KIAA1328: variants seen among roughly 807,000 people sequenced by gnomAD.
KIAA1328 encodes protein hinderin.
Under a neutral mutation model 68.1 loss-of-function variants are expected in KIAA1328, and 52 were observed. That is an observed-to-expected ratio of 0.76 (90% CI 0.61 to 0.96). KIAA1328 has a LOEUF of 0.96. KIAA1328 is among the 40% of genes least tolerant of loss of function. The pLI is 0.00. For missense variants in KIAA1328, 641 were observed against 677.6 expected (o/e 0.95, Z 0.60); for synonymous variants, 232 against 239.4 (o/e 0.97, Z 0.28).
chr18:37,185,535 C>T (rs1055272310), intron 9 of KIAA1328, among the ~76,000 whole-genome samples: 2 of 151,914 alleles, frequency 1.3e-5, no homozygotes, highest in Admixed American at 1.3e-4. Flanking sequence ...CAGAACTGTG[C>T]CTAATAGTAT....
chr18:37,152,252 T>A (rs1248488097), intron 7 of KIAA1328, among the ~76,000 whole-genome samples: 1 of 151,854 alleles, frequency 6.6e-6, no homozygotes, highest in Non-Finnish European at 1.5e-5. Context: ...CAAAGAACAG[T>A]AGAATTTTAG....
chr18:37,115,048 G>A (rs1169368515), intron 7 of KIAA1328, among the ~76,000 whole-genome samples: 1 of 152,170 alleles, frequency 6.6e-6, no homozygotes, highest in Non-Finnish European at 1.5e-5. Flanking sequence ...AAAAAGTCCA[G>A]GACCAGACGG....
At chr18:36,853,785 C>A (rs866137278) in intron 4 of KIAA1328, among the ~76,000 whole-genome samples, 1 of 152,012 alleles carries the variant, frequency 6.6e-6, no homozygotes, top group African/African-American at 2.4e-5. Flanking sequence ...CAGCCTCCCG[C>A]GTAGCTGTTA....
At chr18:37,011,942 T>A (rs2053993261) in intron 6 of KIAA1328, among the ~76,000 whole-genome samples, 1 of 151,904 alleles carries the variant, frequency 6.6e-6, no homozygotes, top group South Asian at 2.1e-4. Flanking sequence ...GTGTATAAAT[T>A]GTACCTGAAT....
chr18:37,142,278 G>A (rs1200850931), intron 7 of KIAA1328, among the ~76,000 whole-genome samples: 1 of 151,926 alleles, frequency 6.6e-6, no homozygotes, highest in Admixed American at 6.6e-5. Context: ...TGCATCCTCC[G>A]CCTCCTAGGT....
Position 37,223,246 on chromosome 18 carries a change from A to T in KIAA1328, c.*1019A>T. On this transcript the variant is annotated 3_prime_UTR_variant, in exon 10 of 10. Transcript: ENST00000280020. ...GGTGCTCTGCTCGTGGCCCCAAAGA[A>T]CCATCTCTACTTGCCAGAGTATGTT... is the stretch of plus-strand genomic sequence containing the variant. 1 of 985,144 alleles carries T rather than the reference A, an allele frequency of 1.0e-6. No individual in the cohort carries two copies. The highest frequency in any genetic ancestry group is 4.7e-5 in the South Asian group (1 of 21,264). The allele number at this position is 985,144 out of a possible 1,614,324, so 61.0% of individuals were successfully genotyped here. A position where few individuals can be genotyped will look rare whatever the true frequency, so the allele number is the denominator to read the frequency against.
intron 7 of KIAA1328, among the ~76,000 whole-genome samples, chr18:37,127,653 C>G (rs990211718): frequency 6.2e-4 from 95 of 152,284 alleles, no homozygotes; most frequent in African/African-American, 2.3e-3. Flanking sequence ...GATGTCAATT[C>G]TCTAACAAAT....
chr18:37,208,305 G>C (rs749000949), intron 9 of KIAA1328, among the ~76,000 whole-genome samples: 1 of 152,172 alleles, frequency 6.6e-6, no homozygotes, highest in Non-Finnish European at 1.5e-5. Flanking sequence ...TATTTGAGTT[G>C]CTGAATTCAG....
chr18:36,876,149 A>G (rs1328653659), intron 4 of KIAA1328, among the ~76,000 whole-genome samples: 1 of 152,062 alleles, frequency 6.6e-6, no homozygotes, highest in Non-Finnish European at 1.5e-5. Flanking sequence ...CGTCTCTGCC[A>G]GGTTTTGGTA....
intron 7 of KIAA1328, among the ~76,000 whole-genome samples, chr18:37,139,674 C>T (rs1207269189): frequency 6.6e-6 from 1 of 152,148 alleles, no homozygotes; most frequent in Non-Finnish European, 1.5e-5. Context: ...TGTCTCATCC[C>T]TGCATTAATT....
intron 4 of KIAA1328, among the ~76,000 whole-genome samples, chr18:36,871,396 T>C (rs1397813406): frequency 6.6e-6 from 1 of 152,204 alleles, no homozygotes; most frequent in Non-Finnish European, 1.5e-5. Flanking sequence ...GAAATTGACA[T>C]GCCTTTTTGC....
chr18:36,829,162 C>A lies in KIAA1328; in HGVS notation c.24C>A (p.Ser8=). 1 of 1,533,830 alleles carries A rather than the reference C, an allele frequency of 6.5e-7. No individual in the cohort carries two copies. The highest frequency in any genetic ancestry group is 1.4e-5 in the African/African-American group (1 of 71,250). The change falls in exon 1 of 10, where the codon TCC becomes TCA. Residue 8 remains serine, a synonymous_variant. Coordinates refer to ENST00000280020, the MANE Select transcript of KIAA1328 (RefSeq NM_020776.3). The part of the protein sequence containing the change: MADVAGP[S]RPSAAAFWSR... ...AGATGGCGGACGTGGCGGGCCCCTCCCGCCCCAGTGCCGCGGCGTTCTGGA... is the reference window on the plus strand; with the variant it reads ...AGATGGCGGACGTGGCGGGCCCCTCACGCCCCAGTGCCGCGGCGTTCTGGA...
chr18:36,886,034 A>G (rs2048489894), intron 5 of KIAA1328: 1 of 229,772 alleles, frequency 4.4e-6, no homozygotes, highest in Admixed American at 5.6e-5. Flanking sequence ...TGACTATTTC[A>G]TGAAGACAAT....
chr18:37,210,627 CA>C (rs1427538304), intron 9 of KIAA1328, among the ~76,000 whole-genome samples: 1 of 152,194 alleles, frequency 6.6e-6, no homozygotes, highest in Non-Finnish European at 1.5e-5. Flanking sequence ...CCAAGCTAAT[CA>C]ACTTTATAGT....
chr18:37,205,800 A>G (rs796700353), intron 9 of KIAA1328, among the ~76,000 whole-genome samples: 7 of 152,326 alleles, frequency 4.6e-5, no homozygotes, highest in African/African-American at 1.7e-4. Flanking sequence ...GCACATGCTA[A>G]GATTTACATC....
At chr18:36,962,842 A>G (rs2051746967) in intron 6 of KIAA1328, among the ~76,000 whole-genome samples, 1 of 152,204 alleles carries the variant, frequency 6.6e-6, no homozygotes, top group Non-Finnish European at 1.5e-5. Context: ...AATTTATAGC[A>G]CTAATTGCCT....
intron 6 of KIAA1328, among the ~76,000 whole-genome samples, chr18:36,986,277 T>TA (rs1347245536): frequency 2.6e-5 from 4 of 152,196 alleles, no homozygotes; most frequent in African/African-American, 4.8e-5. Context: ...CAACTACTGA[T>TA]ACGTTCAGTA....
At chr18:36,882,198 G>T (rs2048348418) in intron 4 of KIAA1328, among the ~76,000 whole-genome samples, 1 of 152,146 alleles carries the variant, frequency 6.6e-6, no homozygotes, top group Non-Finnish European at 1.5e-5. Flanking sequence ...TTGACATCAG[G>T]TAACAGAAAC....
chr18:37,199,945 A>G (rs1022100263), intron 9 of KIAA1328, among the ~76,000 whole-genome samples: 2 of 152,198 alleles, frequency 1.3e-5, no homozygotes, highest in African/African-American at 4.8e-5. Context: ...AACATTTTTA[A>G]AAAGAATGAC....
Sources: gnomAD v4.1 joint callset for allele counts (sites outside exome capture counted in the v4.1 genomes callset) on GRCh38, gnomAD v4.1.1 for gene constraint, MANE v1.5 for transcripts, NCBI Gene and HGNC (gene_info 2026-07-23, HGNC 2026-07-21) for gene names.